STAU1: variants seen among roughly 807,000 people sequenced by gnomAD.
The protein encoded by STAU1 is staufen double-stranded RNA binding protein 1.
Under a neutral mutation model 62.9 loss-of-function variants are expected in STAU1, and 13 were observed. The ratio of observed to expected loss-of-function variants is 0.21; its 90% confidence interval spans 0.13 to 0.33. The LOEUF is 0.33. STAU1 is among the 10% of genes least tolerant of loss of function. The pLI is 1.00. For missense variants in STAU1, 571 were observed against 712.1 expected, an observed-to-expected ratio of 0.80 and a Z score of 2.25; for synonymous variants, 269 against 265.1, an observed-to-expected ratio of 1.01 and a Z score of -0.14.
chr20:49,178,210 A>G (rs572195567), intron 1 of STAU1, among the ~76,000 whole-genome samples: 1 of 152,338 alleles, frequency 6.6e-6, no homozygotes, highest in East Asian at 1.9e-4. Context: ...TTCCATATGC[A>G]AATCTATTTT....
intron 5 of STAU1, among the ~76,000 whole-genome samples, chr20:49,145,744 A>G (rs2093117716): frequency 6.6e-6 from 1 of 151,958 alleles, no homozygotes. Context: ...AAAAAAAGAA[A>G]AGAAAACCTG....
chr20:49,204,963 T>C, the STAU1 span, among the ~76,000 whole-genome samples: 3 of 151,832 alleles, frequency 2.0e-5, no homozygotes, highest in African/African-American at 7.3e-5. Flanking sequence ...TCCTGGTCTT[T>C]TTCTCCACCC....
chr20:49,126,574 C>CAAAAAAAAAAAAAAAAAAAAAAAAA (rs58056780), intron 6 of STAU1, among the ~76,000 whole-genome samples: 4 of 25,048 alleles, frequency 1.6e-4, no homozygotes, highest in Non-Finnish European at 2.4e-4. Flanking sequence ...TCTCAAAAAG[C>CAAAAAAAAAAAAAAAAAAAAAAAAA]AAAAAAAAAA....
chr20:49,209,244 A>G, the STAU1 span, among the ~76,000 whole-genome samples: 1 of 126,430 alleles, frequency 7.9e-6, no homozygotes, highest in East Asian at 2.8e-4. Context: ...CCCTGTCTCT[A>G]TCTAAAAAGA....
upstream of STAU1, among the ~76,000 whole-genome samples, chr20:49,188,833 C>T (rs2093822334): frequency 6.6e-6 from 1 of 152,144 alleles, no homozygotes; most frequent in Non-Finnish European, 1.5e-5. Context: ...GACAAAAATC[C>T]CTGCCCTCGT....
intron 4 of STAU1, among the ~76,000 whole-genome samples, 159 bp downstream of exon 4, chr20:49,153,774 G>A (rs2093307494): frequency 6.7e-6 from 1 of 149,818 alleles, no homozygotes. Flanking sequence ...AGGCGGGGGA[G>A]GGGCACAAAG....
intron 1 of STAU1, among the ~76,000 whole-genome samples, chr20:49,186,111 G>C (rs1003995217): frequency 6.6e-6 from 1 of 152,080 alleles, no homozygotes; most frequent in Non-Finnish European, 1.5e-5. Context: ...GCTTATGGAG[G>C]CCTAGGAGGG....
chr20:49,189,127 C>T (rs1430118545), upstream of STAU1, among the ~76,000 whole-genome samples: 3 of 137,354 alleles, frequency 2.2e-5, no homozygotes, highest in African/African-American at 5.6e-5. Flanking sequence ...CGCTTGAACC[C>T]GGGAGGCGGA....
chr20:49,117,842 G>C lies in STAU1; in HGVS notation c.1444C>G (p.Pro482Ala), dbSNP rs2092364463. The change falls in exon 11 of 14, where the codon CCC (proline) becomes GCC (alanine). Residue 482 changes from proline (P) to alanine (A), a missense_variant. Around this residue, in one of 3 missense-constraint regions of STAU1, gnomAD observed 156 missense variants for 194.7 expected, o/e 0.80. Transcript: ENST00000371856. This position sits in a 1 kb window ranked among gnomAD's most constrained non-coding sequence, Gnocchi z 4.6. The stretch of plus-strand genomic sequence containing the variant: ...GAGGGTCTCGTGAGAGGTCCATGGG[G>C]TACGTGGCCTGAAGAGATGTTATTC... ...LKNNISSGHV[P>A]HGPLTRPSEQ... 5 of 1,614,174 alleles carry C rather than the reference G, an allele frequency of 3.1e-6. No individual in the cohort carries two copies. The highest frequency in any genetic ancestry group is 4.2e-6 in the Non-Finnish European group (5 of 1,180,038).
Position 49,154,022 on chromosome 20 carries a change from T to TC in STAU1, c.254dup (p.Pro88ThrfsTer4). 1 of 1,613,692 alleles carries TC rather than the reference T, an allele frequency of 6.2e-7. No individual in the cohort carries two copies. The highest frequency in any genetic ancestry group is 8.5e-7 in the Non-Finnish European group (1 of 1,179,922). On this transcript the variant is annotated frameshift_variant, in exon 4 of 14. Coordinates refer to ENST00000371856, the MANE Select transcript of STAU1 (RefSeq NM_017453.4). LOFTEE classifies it high-confidence loss of function. ...CAACAGGCTTATACATTGGTTTTTT[T>TC]CCAAGTTTCATGCACAGTGCATTTA...
chr20:49,129,269 T>A (rs1226308210), intron 6 of STAU1, among the ~76,000 whole-genome samples: 1 of 132,696 alleles, frequency 7.5e-6, no homozygotes, highest in African/African-American at 2.9e-5. Flanking sequence ...CTAGAATGAC[T>A]TTAAAAAAAA....
chr20:49,119,965 G>C lies in STAU1; in HGVS notation c.1113+17C>G, dbSNP rs375089380. 5.0e-6 allele frequency: 8 copies of C among 1,609,654 alleles called. No individual in the cohort carries two copies. On this transcript the variant is annotated intron_variant, in intron 9 of 13. Coordinates refer to ENST00000371856, the MANE Select transcript of STAU1 (RefSeq NM_017453.4). ...GGCGAGAGACCATCTTGCAATCAGA[G>C]AGCCCACAGCACTCACCTTCTCCTC...
intron 3 of STAU1, among the ~76,000 whole-genome samples, chr20:49,155,086 TAA>T (rs3091715): frequency 2.5e-4 from 37 of 148,402 alleles, no homozygotes; most frequent in Admixed American, 3.4e-4. Context: ...AACTCTGTCT[TAA>T]AAAAAAAAAA....
intron 1 of STAU1, among the ~76,000 whole-genome samples, chr20:49,178,883 C>T (rs348263): frequency 0.35 from 50,034 of 143,578 alleles, 9,306 homozygotes; most frequent in African/African-American, 0.52. Flanking sequence ...ATCATCCTGG[C>T]TAACACGGTG....
At chr20:49,139,920 T>A (rs551600248) in intron 5 of STAU1, among the ~76,000 whole-genome samples, 6 of 151,678 alleles carry the variant, frequency 4.0e-5, no homozygotes, top group Admixed American at 1.3e-4. Flanking sequence ...GTGCGGTGGC[T>A]CACACCTGTA....
At chr20:49,206,118 G>T in the STAU1 span, among the ~76,000 whole-genome samples, 7 of 151,042 alleles carry the variant, frequency 4.6e-5, no homozygotes, top group African/African-American at 1.7e-4. Flanking sequence ...AAGTAGCTGG[G>T]ACTACAGGCG....
At chr20:49,193,599 A>C in the STAU1 span, among the ~76,000 whole-genome samples, 1 of 152,092 alleles carries the variant, frequency 6.6e-6, no homozygotes, top group Non-Finnish European at 1.5e-5. Context: ...TGAACGCGGG[A>C]GGCGGAGGTT....
chr20:49,136,306 C>CA (rs1327401935), intron 5 of STAU1, among the ~76,000 whole-genome samples: 1 of 151,896 alleles, frequency 6.6e-6, no homozygotes, highest in East Asian at 1.9e-4. Context: ...CTGTCCCCCA[C>CA]AAAAAAACAC....
chr20:49,129,752 A>C (rs2092712404), intron 6 of STAU1, among the ~76,000 whole-genome samples: 1 of 148,826 alleles, frequency 6.7e-6, no homozygotes, highest in Non-Finnish European at 1.5e-5. Context: ...CTCATGCCTC[A>C]GTCTAATGAG....
Sources: allele counts gnomAD v4.1 joint callset (sites outside exome capture counted in the v4.1 genomes callset), GRCh38; gene constraint gnomAD v4.1.1; regional missense constraint gnomAD v4.1.1; non-coding constraint Gnocchi (gnomAD v3.1); transcripts MANE v1.5; gene names NCBI Gene and HGNC (gene_info 2026-07-23, HGNC 2026-07-21).